The following ECT2L variants were observed in gnomAD, a reference collection of about 807,000 sequenced individuals.
ECT2L encodes epithelial cell transforming 2 like, also known as epithelial cell-transforming sequence 2 oncogene-like.
ECT2L carries 126 observed loss-of-function variants against 122.8 expected under a neutral mutation model. That is an observed-to-expected ratio of 1.03 (90% CI 0.89 to 1.19). The LOEUF is 1.19. Ranked by LOEUF, ECT2L falls within the 50% of genes most tolerant of loss-of-function variation. The pLI, the probability that ECT2L is intolerant of heterozygous loss-of-function variation, is 0.00. For missense variants in ECT2L, 1,012 were observed against 1,064.1 expected (o/e 0.95, Z 0.68); for synonymous variants, 385 against 381.8 (o/e 1.01, Z -0.10).
At chr6:138,796,439 T>C (rs1441904100) in intron 1 of ECT2L, among the ~76,000 whole-genome samples, 4 of 152,194 alleles carry the variant, frequency 2.6e-5, no homozygotes, top group Non-Finnish European at 2.9e-5. Context: ...CCATGCCAAG[T>C]AAACTCTTAC....
chr6:138,808,284 G>A (rs888297855), intron 1 of ECT2L, among the ~76,000 whole-genome samples: 2 of 152,010 alleles, frequency 1.3e-5, no homozygotes, highest in African/African-American at 4.8e-5. Context: ...TCATTTGGTT[G>A]CCCAGGCTGG....
intron 10 of ECT2L, among the ~76,000 whole-genome samples, chr6:138,857,927 C>T (rs996732380): frequency 6.6e-6 from 1 of 152,142 alleles, no homozygotes; most frequent in Non-Finnish European, 1.5e-5. Context: ...CAAACACATC[C>T]TTCTCCACGT....
chr6:138,873,638 A>G (rs1387977781), intron 13 of ECT2L, among the ~76,000 whole-genome samples: 2 of 152,142 alleles, frequency 1.3e-5, no homozygotes, highest in African/African-American at 4.8e-5. Flanking sequence ...TACTAAAAAT[A>G]CAAAAATTAG....
intron 12 of ECT2L, among the ~76,000 whole-genome samples, chr6:138,866,831 G>C (rs1290291769): frequency 2.0e-5 from 3 of 152,102 alleles, no homozygotes; most frequent in Non-Finnish European, 4.4e-5. Context: ...CCAGCAGTTT[G>C]GGAAGCCAAG....
chr6:138,884,694 A>C (rs1023108774), intron 16 of ECT2L, among the ~76,000 whole-genome samples: 4 of 152,202 alleles, frequency 2.6e-5, no homozygotes, highest in African/African-American at 7.2e-5. Context: ...TGTATAATAA[A>C]TATTACTATG....
chr6:138,888,107 G>A (rs1326999485), intron 19 of ECT2L, among the ~76,000 whole-genome samples: 1 of 152,128 alleles, frequency 6.6e-6, no homozygotes, highest in Non-Finnish European at 1.5e-5. Context: ...GAAGCAAGAT[G>A]AAGTTGTTTT....
chr6:138,837,702 A>T lies in ECT2L; in HGVS notation c.180-650A>T, dbSNP rs1414732670. ...AAACGTCCACACACAAGAAAATCTC[A>T]GTGAATATATCTTTGCTTTGAATTT... On this transcript the variant is annotated intron_variant, in intron 4 of 21. Coordinates refer to ENST00000541398, the MANE Select transcript of ECT2L (RefSeq NM_001077706.3). Among the ~76,000 whole-genome samples, 5 of 151,894 alleles carry T rather than the reference A, an allele frequency of 3.3e-5. No homozygotes were observed. The East Asian group carries it at 9.6e-4, about 29-fold the overall frequency.
intron 11 of ECT2L, among the ~76,000 whole-genome samples, chr6:138,863,613 T>C (rs1265589410): frequency 6.6e-6 from 1 of 150,726 alleles, no homozygotes; most frequent in African/African-American, 2.4e-5. Context: ...CAGGTTTTCT[T>C]TCTTTTTTTT....
intron 12 of ECT2L, among the ~76,000 whole-genome samples, chr6:138,867,887 T>C (rs566530668): frequency 6.6e-5 from 10 of 150,892 alleles, no homozygotes; most frequent in Admixed American, 1.3e-4. Context: ...TGCATGCCTA[T>C]AGTCCCAGTT....
At chr6:138,812,061 AAGG>A (rs1775920689) in intron 1 of ECT2L, among the ~76,000 whole-genome samples, 1 of 152,174 alleles carries the variant, frequency 6.6e-6, no homozygotes, top group African/African-American at 2.4e-5. Context: ...AAAGAAGGAA[AAGG>A]AGAAGCAGAA....
chr6:138,894,507 A>G (rs1245059693), intron 20 of ECT2L, among the ~76,000 whole-genome samples: 1 of 152,220 alleles, frequency 6.6e-6, no homozygotes, highest in African/African-American at 2.4e-5. Flanking sequence ...AGGTACATTT[A>G]TATTTAAATA....
At position 138,902,684 on chromosome 6, in the gene ECT2L, G is replaced by A; in HGVS notation, c.*57G>A. 11 of 1,594,314 alleles carry A rather than the reference G, an allele frequency of 6.9e-6. No individual in the cohort carries two copies. The highest frequency in any genetic ancestry group is 8.6e-6 in the Non-Finnish European group (10 of 1,168,278). On this transcript the variant is annotated 3_prime_UTR_variant, in exon 22 of 22. Coordinates refer to ENST00000541398, the MANE Select transcript of ECT2L (RefSeq NM_001077706.3). ...TCTCCCCAGCAAAGACAGACAACATGTATTTTCTGTTCCAAAATATCCAGT... is the reference window on the plus strand; with the variant it reads ...TCTCCCCAGCAAAGACAGACAACATATATTTTCTGTTCCAAAATATCCAGT...
intron 20 of ECT2L, among the ~76,000 whole-genome samples, chr6:138,896,767 C>A (rs1779232703): frequency 6.6e-6 from 1 of 152,150 alleles, no homozygotes; most frequent in Admixed American, 6.5e-5. Flanking sequence ...CCTGCCTCAG[C>A]CTCCCAAGTA....
chr6:138,817,882 G>A (rs1484834264), intron 4 of ECT2L, among the ~76,000 whole-genome samples: 3 of 151,976 alleles, frequency 2.0e-5, no homozygotes, highest in African/African-American at 4.8e-5. Flanking sequence ...GCCCCGTGTC[G>A]TCCACATGAC....
chr6:138,802,325 A>G (rs890112402), intron 1 of ECT2L, among the ~76,000 whole-genome samples: 1 of 152,232 alleles, frequency 6.6e-6, no homozygotes, highest in Non-Finnish European at 1.5e-5. Flanking sequence ...CAGCTAAGCT[A>G]TGTCTACACT....
intron 10 of ECT2L, among the ~76,000 whole-genome samples, chr6:138,857,926 C>T (rs899641963): frequency 2.0e-5 from 3 of 152,104 alleles, no homozygotes; most frequent in Non-Finnish European, 4.4e-5. Flanking sequence ...GCAAACACAT[C>T]CTTCTCCACG....
intron 4 of ECT2L, among the ~76,000 whole-genome samples, chr6:138,828,159 C>T (rs1776519372): frequency 6.6e-6 from 1 of 152,072 alleles, no homozygotes; most frequent in African/African-American, 2.4e-5. Flanking sequence ...ATAATCACAA[C>T]TGCATTATCA....
At chr6:138,810,657 A>C (rs9376371) in intron 1 of ECT2L, among the ~76,000 whole-genome samples, 1 of 152,028 alleles carries the variant, frequency 6.6e-6, no homozygotes, top group African/African-American at 2.4e-5. Context: ...GCCTTCTGAA[A>C]CTGCATTTCA....
Position 138,902,631 on chromosome 6 carries a change from C to G in ECT2L, c.*4C>G. ...CAAAAGCAGTATGGAGAAGTGAGACCGAACTTGAAAACTTCAGGGGTGCCA... is the reference window on the plus strand; with the variant it reads ...CAAAAGCAGTATGGAGAAGTGAGACGGAACTTGAAAACTTCAGGGGTGCCA... On this transcript the variant is annotated 3_prime_UTR_variant, in exon 22 of 22. Transcript: ENST00000541398. The G allele has an allele frequency of 1.9e-6, 3 of 1,612,962 alleles. No homozygotes were observed.
Sources: allele counts gnomAD v4.1 joint callset (sites outside exome capture counted in the v4.1 genomes callset), GRCh38; gene constraint gnomAD v4.1.1; transcripts MANE v1.5; gene names NCBI Gene and HGNC (gene_info 2026-07-23, HGNC 2026-07-21).